The following CKAP2 variants were observed in gnomAD, a reference collection of about 807,000 sequenced individuals.
CKAP2 encodes cytoskeleton associated protein 2, also known as cytoskeleton-associated protein 2.
CKAP2 carries 46 observed loss-of-function variants against 58.4 expected under a neutral mutation model. The observed-to-expected ratio is 0.79, with a 90% CI of 0.62 to 1.01. CKAP2 has a LOEUF of 1.01. Among genes scored for constraint, CKAP2 ranks in the 50% least tolerant of loss-of-function variants. The pLI is 0.00. For missense variants in CKAP2, 809 were observed against 796.4 expected (o/e 1.02, Z -0.19); for synonymous variants, 293 against 280.9 (o/e 1.04, Z -0.43).
At chr13:52,463,012 A>C (rs938215302) in intron 5 of CKAP2, among the ~76,000 whole-genome samples, 2 of 152,172 alleles carry the variant, frequency 1.3e-5, no homozygotes, top group African/African-American at 4.8e-5. Flanking sequence ...ATCTCAGCTC[A>C]CTGTAACCTC....
At chr13:52,460,127 G>C (rs1958547094) in intron 2 of CKAP2, among the ~76,000 whole-genome samples, 1 of 152,116 alleles carries the variant, frequency 6.6e-6, no homozygotes, top group Non-Finnish European at 1.5e-5. Context: ...CCAAAGTGCT[G>C]CTATTACAGG....
chr13:52,465,690 A>C (rs1462285279), intron 6 of CKAP2: 2 of 626,764 alleles, frequency 3.2e-6, no homozygotes, highest in African/African-American at 3.6e-5. Context: ...ATATAAGCTG[A>C]AATGTATATT....
chr13:52,463,280 T>C (rs930787577), intron 5 of CKAP2, among the ~76,000 whole-genome samples: 3 of 152,158 alleles, frequency 2.0e-5, no homozygotes, highest in African/African-American at 2.4e-5. Flanking sequence ...AGCCTAAAGA[T>C]AGAATACTTT....
At chr13:52,456,697 A>T (rs1958487995) in intron 2 of CKAP2, 90 bp downstream of exon 2, 1 of 979,372 alleles carries the variant, frequency 1.0e-6, no homozygotes, top group Non-Finnish European at 1.6e-6. Flanking sequence ...TGTAATTTTA[A>T]ATTTTCTAGT....
rs952080431 is a variant in CKAP2 at position 52,475,440 on chromosome 13, A to G, written c.*299A>G. ...AACAGGTTATAATACTACCCTGTTC[A>G]CTTTACTAAATATAAGTACAGTAAT... On this transcript the variant is annotated 3_prime_UTR_variant, in exon 9 of 9. Coordinates refer to ENST00000258607, the MANE Select transcript of CKAP2 (RefSeq NM_018204.5). 3.9e-6 allele frequency: 1 copy of G among 255,074 alleles called. No homozygotes were observed. Among genetic ancestry groups the G allele is most frequent in the Admixed American group, 4.9e-5 (1 of 20,360 alleles). 15.8% of individuals were successfully genotyped at this position (255,074 alleles called of 1,614,324 possible). A position where few individuals can be genotyped will look rare whatever the true frequency, so the allele number is the denominator to read the frequency against.
chr13:52,473,551 C>T, intron 7 of CKAP2: 1 of 284,614 alleles, frequency 3.5e-6, no homozygotes, highest in Non-Finnish European at 6.5e-6. Context: ...TGAAGCATTC[C>T]CTAACCATCT....
chr13:52,458,877 A>G lies in CKAP2; in HGVS notation c.156-2022A>G, dbSNP rs541626320. Among the ~76,000 whole-genome samples the G allele has an allele frequency of 2.6e-5, 4 of 152,178 alleles. No individual in the cohort carries two copies. In the East Asian group the frequency reaches 7.7e-4, roughly 29 times the overall value. On this transcript the variant is annotated intron_variant, in intron 2 of 8. Coordinates refer to ENST00000258607, the MANE Select transcript of CKAP2 (RefSeq NM_018204.5). ...TGTCTCAAAAAAAAAAAAAAGGAAA[A>G]CAGATGTCAATTTAAATGTTATCAC...
chr13:52,464,336 C>A (rs902443832), intron 5 of CKAP2, among the ~76,000 whole-genome samples: 16 of 151,986 alleles, frequency 1.1e-4, no homozygotes, highest in African/African-American at 3.6e-4. Flanking sequence ...GCGGATCACC[C>A]AAGGTCAGGA....
chr13:52,457,187 G>A (rs1367098214), intron 2 of CKAP2, among the ~76,000 whole-genome samples: 2 of 152,196 alleles, frequency 1.3e-5, no homozygotes, highest in South Asian at 2.1e-4. Context: ...GAGCCACCGC[G>A]CCCGGCCTAG....
chr13:52,474,992 A>C lies in CKAP2; in HGVS notation c.1900A>C (p.Thr634Pro). 1 of 1,614,150 alleles carries C rather than the reference A, an allele frequency of 6.2e-7. No individual in the cohort carries two copies. The highest frequency in any genetic ancestry group is 8.5e-7 in the Non-Finnish European group (1 of 1,179,994). Reference protein sequence around the residue: ...VRRSRRLQEKTSKLPDMLKDH... With the variant: ...VRRSRRLQEKPSKLPDMLKDH... ...ACGTTCTCGACGTCTTCAAGAGAAA[A>C]CTTCTAAATTGCCAGATATGTTAAA... Residue 634 changes from threonine (T) to proline (P), a missense_variant, in exon 9 of 9, where the codon ACT (threonine) becomes CCT (proline). By Grantham distance (38) the Thr-to-Pro change is conservative. This residue lies in a region of CKAP2 where 283 missense variants were observed against 287.6 expected (regional missense o/e 0.98). Transcript: ENST00000258607.
Position 52,456,542 on chromosome 13 carries a change from CAAG to C in CKAP2, c.91_93del (p.Lys31del). ...ATCTAGAGCAAAGAAGACAAAAACT[CAAG>C]GAACATCTGTTGAGAAGAAAAACGC... On this transcript the variant is annotated inframe_deletion, in exon 2 of 9. Transcript: ENST00000258607. The C allele has an allele frequency of 1.2e-6, 2 of 1,613,420 alleles. No homozygotes were observed. Among genetic ancestry groups the C allele is most frequent in the Non-Finnish European group, 1.7e-6 (2 of 1,179,672 alleles).
At position 52,475,304 on chromosome 13, in the gene CKAP2, G is replaced by A; in HGVS notation, c.*163G>A. 1.2e-6 allele frequency: 1 copy of A among 858,656 alleles called. No homozygotes were observed. The highest frequency in any genetic ancestry group is 2.1e-5 in the South Asian group (1 of 48,536). 53.2% of individuals were successfully genotyped at this position (858,656 alleles called of 1,614,324 possible). A position where few individuals can be genotyped will look rare whatever the true frequency, so the allele number is the denominator to read the frequency against. ...TACTAACATTCATGTTATGGCAAGAGTTGTCCTCTACATTGGAAAGCTAAT... is the reference window on the plus strand; with the variant it reads ...TACTAACATTCATGTTATGGCAAGAATTGTCCTCTACATTGGAAAGCTAAT... On this transcript the variant is annotated 3_prime_UTR_variant, in exon 9 of 9. Transcript: ENST00000258607.
chr13:52,468,715 C>T (rs991132724), intron 7 of CKAP2, among the ~76,000 whole-genome samples: 3 of 152,162 alleles, frequency 2.0e-5, no homozygotes, highest in African/African-American at 7.2e-5. Flanking sequence ...TGATCTCATT[C>T]CTTTTTATAG....
At chr13:52,455,756 C>G (rs1310323402) in intron 1 of CKAP2, 130 bp downstream of exon 1, 4 of 1,092,064 alleles carry the variant, frequency 3.7e-6, no homozygotes, top group African/African-American at 3.4e-5. Flanking sequence ...CTGAACGCGG[C>G]GTCGGCCTCG....
intron 6 of CKAP2, among the ~76,000 whole-genome samples, chr13:52,467,068 C>G (rs913163691): frequency 2.7e-4 from 40 of 147,896 alleles, no homozygotes; most frequent in Non-Finnish European, 5.3e-4. Context: ...CCACTGAACT[C>G]CATCCTGAGT....
At chr13:52,467,233 A>G (rs1958693196) in intron 6 of CKAP2, among the ~76,000 whole-genome samples, 1 of 152,176 alleles carries the variant, frequency 6.6e-6, no homozygotes, top group Non-Finnish European at 1.5e-5. Flanking sequence ...GAACATAGCA[A>G]ATGCTTAGGT....
chr13:52,471,072 C>T (rs978933582), intron 7 of CKAP2, among the ~76,000 whole-genome samples: 8 of 152,194 alleles, frequency 5.3e-5, no homozygotes, highest in African/African-American at 1.7e-4. Flanking sequence ...GCAGGAGAAT[C>T]TCTTGAACCC....
chr13:52,462,660 AGG>A, intron 5 of CKAP2, 93 bp downstream of exon 5: 1 of 1,019,182 alleles, frequency 9.8e-7, no homozygotes, highest in East Asian at 2.5e-5. Flanking sequence ...CTTTTTGACC[AGG>A]TGATGTTGGT....
chr13:52,464,741 C>T (rs991317140), intron 5 of CKAP2, among the ~76,000 whole-genome samples: 6 of 152,054 alleles, frequency 3.9e-5, no homozygotes, highest in African/African-American at 1.4e-4. Context: ...TTGTTTTGGT[C>T]ACCCACTAGT....
Sources: allele counts gnomAD v4.1 joint callset (sites outside exome capture counted in the v4.1 genomes callset), GRCh38; gene constraint gnomAD v4.1.1; regional missense constraint gnomAD v4.1.1; transcripts MANE v1.5; gene names NCBI Gene and HGNC (gene_info 2026-07-23, HGNC 2026-07-21).